The following POU3F3 variants were observed in gnomAD, a reference collection of about 807,000 sequenced individuals.
The protein encoded by POU3F3 is POU class 3 homeobox 3, also known as POU domain, class 3, transcription factor 3.
In POU3F3, 1 loss-of-function variant was observed where a neutral mutation model predicts 8.6. The ratio of observed to expected loss-of-function variants is 0.12; its 90% CI spans 0.04 to 0.55. POU3F3 has a LOEUF of 0.55. Among genes scored for constraint, POU3F3 ranks in the 20% least tolerant of loss-of-function variants. The probability of loss-of-function intolerance (pLI) is 0.91; values close to 1 mark genes in which losing one functional copy is unlikely to be tolerated. For missense variants in POU3F3, 577 were observed against 690.7 expected (o/e 0.84, Z 1.84); for synonymous variants, 418 against 327.4 (o/e 1.28, Z -2.99).
At chr2:104,914,487 G>A in the POU3F3 span, among the ~76,000 whole-genome samples, 1 of 152,212 alleles carries the variant, frequency 6.6e-6, no homozygotes, top group African/African-American at 2.4e-5. Context: ...TATGAGGACA[G>A]AGTGGGGAGA....
chr2:104,873,420 G>T, the POU3F3 span, among the ~76,000 whole-genome samples: 2 of 152,084 alleles, frequency 1.3e-5, no homozygotes, highest in South Asian at 4.2e-4. Context: ...GCCGCGCGCA[G>T]CTCCTCCCGT....
chr2:104,872,162 C>G, the POU3F3 span: 2 of 450,118 alleles, frequency 4.4e-6, no homozygotes, highest in Non-Finnish European at 8.9e-6. The surrounding 1 kb of genome is among the most constrained non-coding windows in gnomAD (Gnocchi z 4.6). Flanking sequence ...ACTTCCCCTG[C>G]AGGGATGCCC....
the POU3F3 span, among the ~76,000 whole-genome samples, chr2:104,897,005 T>A: frequency 6.6e-6 from 1 of 152,194 alleles, no homozygotes; most frequent in Non-Finnish European, 1.5e-5. Flanking sequence ...CTTTGAGTCC[T>A]TGTCCTAAAT....
chr2:104,916,593 A>G, the POU3F3 span, among the ~76,000 whole-genome samples: 1 of 152,194 alleles, frequency 6.6e-6, no homozygotes. Flanking sequence ...GTCCCCCAGC[A>G]GGAGGTATCT....
Position 104,855,250 on chromosome 2 carries a change from C to A in POU3F3, c.-261C>A, listed in dbSNP as rs1215697879. On this transcript the variant is annotated 5_prime_UTR_variant, in exon 1 of 1. Coordinates refer to ENST00000361360, the MANE Select transcript of POU3F3 (RefSeq NM_006236.3). ...GCTGGTGACCAAGGCCGGCCGGCGA[C>A]CCCCGCGCCCTGCCGAGCGGCCTTG... Among the ~76,000 whole-genome samples the A allele has an allele frequency of 6.6e-6, 1 of 150,420 alleles. No homozygotes were observed. Among genetic ancestry groups the A allele is most frequent in the Non-Finnish European group, 1.5e-5 (1 of 67,576 alleles).
In POU3F3 at chr2:104,856,301, C is replaced by T; in HGVS notation, c.791C>T (p.Thr264Met). The change falls in exon 1 of 1, where the codon ACG becomes ATG. Residue 264 changes from threonine (T) to methionine (M), a missense_variant. This residue lies in a region of POU3F3 where 484 missense variants were observed against 422.6 expected (regional missense o/e 1.15). Transcript: ENST00000361360. ...CACCCGGGGCTGGTGCGCGGGGACA[C>T]GCCAGAGCTGGCCGAGCACCACCAC... ...LVHPGLVRGD[T>M]PELAEHHHHH... 3.3e-6 allele frequency: 5 copies of T among 1,500,364 alleles called. No individual in the cohort carries two copies. The highest frequency in any genetic ancestry group is 4.4e-6 in the Non-Finnish European group (5 of 1,131,558). 92.9% of individuals were successfully genotyped at this position (1,500,364 alleles called of 1,614,324 possible).
chr2:104,891,058 C>G, the POU3F3 span, among the ~76,000 whole-genome samples: 1 of 152,184 alleles, frequency 6.6e-6, no homozygotes, highest in Admixed American at 6.5e-5. Flanking sequence ...GGCTTCCTAT[C>G]TGTAAGCTGG....
downstream of POU3F3, among the ~76,000 whole-genome samples, chr2:104,859,164 A>G (rs1558704568): frequency 6.6e-6 from 1 of 152,094 alleles, no homozygotes; most frequent in South Asian, 2.1e-4. Flanking sequence ...AAAAGAATAT[A>G]GTTCTAAAAT....
At chr2:104,863,158 CAATTATT>C (rs1558705447), downstream of POU3F3, among the ~76,000 whole-genome samples, 1 of 119,178 alleles carries the variant, frequency 8.4e-6, no homozygotes, top group African/African-American at 3.2e-5. Context: ...CTCATAATAA[CAATTATT>C]ATTATTATTA....
chr2:104,911,421 A>C, the POU3F3 span, among the ~76,000 whole-genome samples: 1 of 151,590 alleles, frequency 6.6e-6, no homozygotes, highest in Non-Finnish European at 1.5e-5. Context: ...TCTCAAAAAA[A>C]AAAAAAAAAA....
At chr2:104,900,308 G>A in the POU3F3 span, among the ~76,000 whole-genome samples, 8 of 152,150 alleles carry the variant, frequency 5.3e-5, no homozygotes, top group Admixed American at 1.3e-4. Flanking sequence ...AAGTGAGGGC[G>A]TCCTTCCACT....
At chr2:104,899,799 C>T in the POU3F3 span, among the ~76,000 whole-genome samples, 5 of 152,164 alleles carry the variant, frequency 3.3e-5, no homozygotes, top group African/African-American at 4.8e-5. Context: ...ATGCTTTGGG[C>T]GCTGAACAGG....
the POU3F3 span, among the ~76,000 whole-genome samples, chr2:104,914,287 G>A: frequency 1.3e-5 from 2 of 152,184 alleles, no homozygotes; most frequent in African/African-American, 4.8e-5. Flanking sequence ...GTTAACAGAG[G>A]ACTAGTTGTT....
At chr2:104,886,839 C>T in the POU3F3 span, among the ~76,000 whole-genome samples, 1 of 151,942 alleles carries the variant, frequency 6.6e-6, no homozygotes, top group Non-Finnish European at 1.5e-5. Flanking sequence ...ACCTGGAAGG[C>T]AGAGGTTGCG....
rs1676526269 is a variant in POU3F3 at position 104,855,256 on chromosome 2, CGCCCT to C, written c.-251_-247del. ...GACCAAGGCCGGCCGGCGACCCCCG[CGCCCT>C]GCCGAGCGGCCTTGCAGCTGCAGCC... On this transcript the variant is annotated 5_prime_UTR_variant, in exon 1 of 1. Transcript: ENST00000361360. Among the ~76,000 whole-genome samples the C allele has an allele frequency of 6.7e-6, 1 of 150,196 alleles. No individual in the cohort carries two copies. Among genetic ancestry groups the C allele is most frequent in the Non-Finnish European group, 1.5e-5 (1 of 67,522 alleles).
the POU3F3 span, among the ~76,000 whole-genome samples, chr2:104,881,773 G>C: frequency 6.6e-6 from 1 of 152,178 alleles, no homozygotes; most frequent in African/African-American, 2.4e-5. Flanking sequence ...TGGCTCACAG[G>C]AACGCATGTG....
At chr2:104,863,676 C>A in the POU3F3 span, among the ~76,000 whole-genome samples, 1 of 152,184 alleles carries the variant, frequency 6.6e-6, no homozygotes, top group African/African-American at 2.4e-5. Context: ...TCTTCCCGGA[C>A]TGTGGCCCAG....
chr2:104,911,861 C>T, the POU3F3 span, among the ~76,000 whole-genome samples: 1 of 151,852 alleles, frequency 6.6e-6, no homozygotes, highest in African/African-American at 2.4e-5. Context: ...GGGGGAGAAG[C>T]TGTAAGTGAC....
At chr2:104,870,601 T>C in the POU3F3 span, among the ~76,000 whole-genome samples, 1 of 152,222 alleles carries the variant, frequency 6.6e-6, no homozygotes, top group Non-Finnish European at 1.5e-5. Flanking sequence ...TATGGGACAA[T>C]GAGCAGAGAT....
Sources: gnomAD v4.1 joint callset for allele counts (sites outside exome capture counted in the v4.1 genomes callset) on GRCh38, gnomAD v4.1.1 for gene constraint, gnomAD v4.1.1 regional missense constraint, Gnocchi (gnomAD v3.1) non-coding constraint, MANE v1.5 for transcripts, NCBI Gene and HGNC (gene_info 2026-07-23, HGNC 2026-07-21) for gene names.